The following ZMIZ1 variants were observed in gnomAD, a reference collection of about 807,000 sequenced individuals.
ZMIZ1 encodes zinc finger MIZ-type containing 1, also known as zinc finger MIZ domain-containing protein 1.
ZMIZ1 carries 17 observed loss-of-function variants against 113.9 expected under a neutral mutation model. The ratio of observed to expected loss-of-function variants is 0.15; its 90% CI spans 0.10 to 0.22. The LOEUF is 0.22. Ranked by LOEUF, ZMIZ1 falls within the 10% of genes least tolerant of loss-of-function variation. ZMIZ1 has a pLI of 1.00. For synonymous variants in ZMIZ1, 607 were observed against 603.1 expected, an observed-to-expected ratio of 1.01 and a Z score of -0.09; for missense variants, 1,059 against 1,477.8, an observed-to-expected ratio of 0.72 and a Z score of 4.65.
chr10:79,174,305 G>A (rs1362112497), intron 4 of ZMIZ1, among the ~76,000 whole-genome samples: 1 of 152,228 alleles, frequency 6.6e-6, no homozygotes, highest in Non-Finnish European at 1.5e-5. Flanking sequence ...GGCAGGGAAG[G>A]GCCGTGACCA....
chr10:79,090,289 G>A (rs111750805), intron 1 of ZMIZ1, among the ~76,000 whole-genome samples: 23 of 152,234 alleles, frequency 1.5e-4, no homozygotes, highest in Middle Eastern at 3.2e-3. Flanking sequence ...GAAAGCAACC[G>A]AGCCTGGGCA....
At chr10:79,229,471 C>T (rs1234107351) in intron 7 of ZMIZ1, among the ~76,000 whole-genome samples, 1 of 152,194 alleles carries the variant, frequency 6.6e-6, no homozygotes. Flanking sequence ...TGGGGCTGGA[C>T]TCCTGTAGGG....
intron 7 of ZMIZ1, among the ~76,000 whole-genome samples, chr10:79,259,353 G>C (rs1004871596): frequency 1.3e-5 from 2 of 152,106 alleles, no homozygotes; most frequent in African/African-American, 4.8e-5. Flanking sequence ...TGCCTCTCCT[G>C]AGAAGCCTTC....
chr10:79,205,568 A>G (rs777909403), intron 5 of ZMIZ1, among the ~76,000 whole-genome samples: 10 of 152,180 alleles, frequency 6.6e-5, no homozygotes, highest in Non-Finnish European at 1.5e-4. Context: ...CTGCTCTGTA[A>G]TGAGTTCCTT....
intron 2 of ZMIZ1, among the ~76,000 whole-genome samples, chr10:79,138,409 C>T (rs960534120): frequency 6.6e-6 from 1 of 152,248 alleles, no homozygotes; most frequent in African/African-American, 2.4e-5. Context: ...TCAGAGAATG[C>T]TGGGAAAGAC....
intron 1 of ZMIZ1, among the ~76,000 whole-genome samples, chr10:79,098,752 G>A (rs186646797): frequency 4.5e-4 from 68 of 152,364 alleles, no homozygotes; most frequent in African/African-American, 1.4e-3. Flanking sequence ...GTTGAGAAGC[G>A]TGGGCCTTGG....
At chr10:79,165,961 T>TGTGC (rs1846313963) in intron 4 of ZMIZ1, among the ~76,000 whole-genome samples, 1 of 20,142 alleles carries the variant, frequency 5.0e-5, no homozygotes, top group Non-Finnish European at 1.5e-4. Flanking sequence ...TGTGTGTGTG[T>TGTGC]GTGTGTGTGT....
At chr10:79,126,978 G>A (rs551139166) in intron 2 of ZMIZ1, among the ~76,000 whole-genome samples, 3 of 152,320 alleles carry the variant, frequency 2.0e-5, no homozygotes, top group African/African-American at 7.2e-5. Context: ...GAGAGGATGA[G>A]GGATTAGGTC....
At chr10:79,237,322 G>A (rs1372032010) in intron 7 of ZMIZ1, among the ~76,000 whole-genome samples, 1 of 152,228 alleles carries the variant, frequency 6.6e-6, no homozygotes, top group Admixed American at 6.5e-5. Context: ...ACATGAGGAA[G>A]GGTCTTAAGC....
chr10:79,277,921 G>C (rs916285962), intron 8 of ZMIZ1, among the ~76,000 whole-genome samples: 2 of 152,254 alleles, frequency 1.3e-5, no homozygotes, highest in Non-Finnish European at 2.9e-5. Context: ...TGCTCTCTCT[G>C]AGCGCTCTGC....
intron 7 of ZMIZ1, among the ~76,000 whole-genome samples, chr10:79,250,765 T>A (rs893617873): frequency 2.0e-5 from 3 of 152,138 alleles, no homozygotes; most frequent in African/African-American, 7.2e-5. Flanking sequence ...ATAAGGACTG[T>A]GAGTCCAGCC....
intron 8 of ZMIZ1, among the ~76,000 whole-genome samples, chr10:79,287,091 AT>A (rs541483856): frequency 5.5e-4 from 84 of 152,198 alleles, no homozygotes; most frequent in African/African-American, 1.8e-3. Context: ...TGTCCAGGGG[AT>A]CTCCTCTTTG....
chr10:79,298,701 C>T (rs1047426837), intron 15 of ZMIZ1, 121 bp downstream of exon 15: 3 of 944,476 alleles, frequency 3.2e-6, no homozygotes, highest in African/African-American at 3.5e-5. Context: ...GAGTTGAGAG[C>T]AGGTGAGATA....
chr10:79,276,238 G>A (rs892619521), intron 7 of ZMIZ1, among the ~76,000 whole-genome samples: 1 of 152,206 alleles, frequency 6.6e-6, no homozygotes, highest in Non-Finnish European at 1.5e-5. Context: ...CAGCAAGATG[G>A]TGACTGAGCG....
Position 79,302,172 on chromosome 10 carries a change from C to T in ZMIZ1, c.2085C>T (p.Leu695=). Residue 695 remains leucine, a synonymous_variant, in exon 18 of 25, where the codon CTC becomes CTT. Transcript: ENST00000334512. Reference sequence around the variant, plus strand: ...TCCGCTCTGTGCTGCAAGGACTCCTCAAGAAGCGCCTCCTGCCCGCAGAGC... The same window carrying T: ...TCCGCTCTGTGCTGCAAGGACTCCTTAAGAAGCGCCTCCTGCCCGCAGAGC... ...PSVRSVLQGL[L]KKRLLPAEHC... 6.2e-7 allele frequency: 1 copy of T among 1,613,980 alleles called. No individual in the cohort carries two copies. Among genetic ancestry groups the T allele is most frequent in the South Asian group, 1.1e-5 (1 of 91,082 alleles).
chr10:79,090,716 C>T (rs1001595360), intron 1 of ZMIZ1, among the ~76,000 whole-genome samples: 1 of 152,186 alleles, frequency 6.6e-6, no homozygotes, highest in Non-Finnish European at 1.5e-5. Flanking sequence ...GCAGCCTGCT[C>T]ACAAAACCAG....
intron 7 of ZMIZ1, among the ~76,000 whole-genome samples, chr10:79,270,716 C>T (rs1851895186): frequency 6.6e-6 from 1 of 152,164 alleles, no homozygotes; most frequent in Non-Finnish European, 1.5e-5. Context: ...GGTCAACTCT[C>T]CCTTCTGCTG....
At chr10:79,074,296 C>T (rs966591873) in intron 1 of ZMIZ1, among the ~76,000 whole-genome samples, 23 of 152,178 alleles carry the variant, frequency 1.5e-4, no homozygotes, top group South Asian at 8.3e-4. Flanking sequence ...GGCTCGGACA[C>T]GGTGCAGAGT....
rs563633109 is a variant in ZMIZ1, at chr10:79,164,861, G to A, written c.-50+2728G>A. ...TGAGGCTCTCCAGGATGGTTACTGG[G>A]GAGGCTGCACTGATCGGGAGGAAGC... On this transcript the variant is annotated intron_variant, in intron 4 of 24. Coordinates refer to ENST00000334512, the MANE Select transcript of ZMIZ1 (RefSeq NM_020338.4). Among the ~76,000 whole-genome samples the A allele has an allele frequency of 2.0e-5, 3 of 152,264 alleles. No individual in the cohort carries two copies. The East Asian group carries it at 5.8e-4, about 29-fold the overall frequency.
Sources: allele counts gnomAD v4.1 joint callset (sites outside exome capture counted in the v4.1 genomes callset), GRCh38; gene constraint gnomAD v4.1.1; transcripts MANE v1.5; gene names NCBI Gene and HGNC (gene_info 2026-07-23, HGNC 2026-07-21).